The following GUCY1A1 variants were observed in gnomAD, a reference collection of about 807,000 sequenced individuals.
GUCY1A1 encodes guanylate cyclase 1 soluble subunit alpha 1, also known as guanylate cyclase soluble subunit alpha-1.
A neutral mutation model predicts 64.5 loss-of-function variants in GUCY1A1; 48 were observed. That is an observed-to-expected ratio of 0.74 (90% CI 0.59 to 0.95). GUCY1A1 has a LOEUF of 0.95. Ranked by LOEUF, GUCY1A1 falls within the 40% of genes least tolerant of loss-of-function variation. The pLI is 0.00. For missense variants in GUCY1A1, 804 were observed against 825.3 expected (o/e 0.97, Z 0.32); for synonymous variants, 308 against 303.4 (o/e 1.02, Z -0.16).
rs1293796293 is a variant in GUCY1A1 at position 155,713,424 on chromosome 4, T to G, written c.1413T>G (p.Val471=). 6.2e-7 allele frequency: 1 copy of G among 1,614,178 alleles called. No homozygotes were observed. Among genetic ancestry groups the G allele is most frequent in the Non-Finnish European group, 8.5e-7 (1 of 1,180,022 alleles). Residue 471 remains valine (V), a synonymous_variant, in exon 7 of 10, where the codon GTT becomes GTG. Coordinates refer to ENST00000506455, the MANE Select transcript of GUCY1A1 (RefSeq NM_001130682.3). ...CTCAGCAGCTGTGGCAAGGGCAAGT[T>G]GTGCAAGCCAAGAAGTTCAGTAATG... is the stretch of plus-strand genomic sequence containing the variant. The part of the protein sequence containing the change: ...EVAQQLWQGQ[V]VQAKKFSNVT...
At position 155,734,766 on chromosome 4, in the gene GUCY1A1, C is replaced by T. The variant is rs187345090; in HGVS notation, c.*4535C>T. On this transcript the variant is annotated 3_prime_UTR_variant, in exon 10 of 10. Transcript: ENST00000506455. ...CTCTTGTTAAAACACAGGCTAAAAG[C>T]AGTGACTGCTTAACTTATTAAGCAG... is the stretch of plus-strand genomic sequence containing the variant. 1 of 151,928 alleles carries T rather than the reference C, an allele frequency of 6.6e-6. No homozygotes were observed. The highest frequency in any genetic ancestry group is 1.9e-4 in the East Asian group (1 of 5,156). 9.4% of individuals were successfully genotyped at this position (151,928 alleles called of 1,614,324 possible).
intron 5 of GUCY1A1, among the ~76,000 whole-genome samples, chr4:155,708,596 A>G (rs1732123111): frequency 2.0e-5 from 3 of 152,192 alleles, no homozygotes; most frequent in Admixed American, 1.3e-4. Context: ...TACATCAAAA[A>G]TTCTACTCAA....
intron 3 of GUCY1A1, among the ~76,000 whole-genome samples, chr4:155,702,693 T>C (rs1731249261): frequency 6.6e-6 from 1 of 152,170 alleles, no homozygotes; most frequent in Non-Finnish European, 1.5e-5. Context: ...TAATTTTTTT[T>C]CAGCAATTGT....
chr4:155,695,817 T>G (rs1730335262), intron 2 of GUCY1A1, among the ~76,000 whole-genome samples: 1 of 152,132 alleles, frequency 6.6e-6, no homozygotes, highest in African/African-American at 2.4e-5. Context: ...CACTCTTTGT[T>G]TTTCTTCCCC....
chr4:155,676,311 T>G, intron 2 of GUCY1A1, among the ~76,000 whole-genome samples: 1 of 150,824 alleles, frequency 6.6e-6, no homozygotes, highest in African/African-American at 2.5e-5. Context: ...TTTTTTTTTT[T>G]TTTTTTTTAA....
intron 2 of GUCY1A1, among the ~76,000 whole-genome samples, chr4:155,688,183 G>A (rs1729257510): frequency 6.6e-6 from 1 of 151,332 alleles, no homozygotes; most frequent in Non-Finnish European, 1.5e-5. Context: ...AGCCGAGATC[G>A]CACCACTGCA....
At chr4:155,727,755 G>A (rs1313033733) in intron 9 of GUCY1A1, among the ~76,000 whole-genome samples, 7 of 150,998 alleles carry the variant, frequency 4.6e-5, no homozygotes, top group Non-Finnish European at 1.0e-4. Context: ...TTTCTTTCAG[G>A]TTTCTGTTTT....
At chr4:155,674,550 T>G (rs776881276) in intron 2 of GUCY1A1, among the ~76,000 whole-genome samples, 1 of 151,468 alleles carries the variant, frequency 6.6e-6, no homozygotes, top group South Asian at 2.1e-4. Context: ...TTTTTAAAAT[T>G]TATTTCTTTT....
chr4:155,711,943 A>C (rs982928991), intron 6 of GUCY1A1, among the ~76,000 whole-genome samples: 1 of 152,194 alleles, frequency 6.6e-6, no homozygotes, highest in African/African-American at 2.4e-5. Flanking sequence ...GTAATATTGA[A>C]AGGTGTTTAT....
At chr4:155,728,097 T>C (rs1734986880) in intron 9 of GUCY1A1, among the ~76,000 whole-genome samples, 1 of 151,934 alleles carries the variant, frequency 6.6e-6, no homozygotes, top group South Asian at 2.1e-4. Context: ...TCCATATCCT[T>C]TTAAGACTTG....
chr4:155,694,470 G>C (rs1209690969), intron 2 of GUCY1A1, among the ~76,000 whole-genome samples: 2 of 152,146 alleles, frequency 1.3e-5, no homozygotes, highest in African/African-American at 4.8e-5. Flanking sequence ...AGTGACTAGA[G>C]GAGATGAGGA....
Position 155,720,337 on chromosome 4 carries a change from T to TTCTATCTATCTATCTATCTA in GUCY1A1, c.1717-1678_1717-1659dup, listed in dbSNP as rs59667368. ...GATATTTATGAGCAGAAGAGCTTTA[T>TTCTATCTATCTATCTATCTA]TCTATCTATCTATCTATCTATCTAT... On this transcript the variant is annotated intron_variant, in intron 8 of 9. Coordinates refer to ENST00000506455, the MANE Select transcript of GUCY1A1 (RefSeq NM_001130682.3). 2.0e-5 allele frequency among the ~76,000 whole-genome samples: 3 copies of TTCTATCTATCTATCTATCTA among 149,790 alleles called. No individual in the cohort carries two copies. The Admixed American group carries it at 2.0e-4, about 10-fold the overall frequency.
At chr4:155,671,346 T>C (rs1159168483) in intron 2 of GUCY1A1, among the ~76,000 whole-genome samples, 1 of 152,228 alleles carries the variant, frequency 6.6e-6, no homozygotes, top group African/African-American at 2.4e-5. Flanking sequence ...TCACTTTTAA[T>C]GTTTGCTTTA....
At chr4:155,721,366 C>T (rs1733937450) in intron 8 of GUCY1A1, among the ~76,000 whole-genome samples, 1 of 152,124 alleles carries the variant, frequency 6.6e-6, no homozygotes, top group South Asian at 2.1e-4. Flanking sequence ...CAGACTGCCT[C>T]TTATATCTAG....
intron 8 of GUCY1A1, among the ~76,000 whole-genome samples, chr4:155,720,031 T>G (rs1324537866): frequency 6.6e-6 from 1 of 152,158 alleles, no homozygotes; most frequent in Non-Finnish European, 1.5e-5. Flanking sequence ...TGAAAAGCTC[T>G]GTAAGAAAAT....
At chr4:155,711,749 T>A (rs1395973480) in intron 6 of GUCY1A1, among the ~76,000 whole-genome samples, 1 of 152,166 alleles carries the variant, frequency 6.6e-6, no homozygotes, top group Non-Finnish European at 1.5e-5. Flanking sequence ...GCTTTGGTAA[T>A]TATTTAGTCT....
chr4:155,687,307 G>A (rs1729124358), intron 2 of GUCY1A1, among the ~76,000 whole-genome samples: 1 of 152,248 alleles, frequency 6.6e-6, no homozygotes, highest in South Asian at 2.1e-4. Flanking sequence ...AGCTCTAGTA[G>A]AAGAAGCATC....
At position 155,696,810 on chromosome 4, in the gene GUCY1A1, A is replaced by G; in HGVS notation, c.-58A>G. ...ATAGTGGCTTCTGTTTGTCAGTCTC[A>G]TATAAGAACTACAGCTCATCAGGAG... On this transcript the variant is annotated 5_prime_UTR_variant, in exon 3 of 10. Coordinates refer to ENST00000506455, the MANE Select transcript of GUCY1A1 (RefSeq NM_001130682.3). 2 of 1,536,188 alleles carry G rather than the reference A, an allele frequency of 1.3e-6. No homozygotes were observed. The highest frequency in any genetic ancestry group is 1.8e-6 in the Non-Finnish European group (2 of 1,116,030).
intron 3 of GUCY1A1, among the ~76,000 whole-genome samples, chr4:155,698,690 A>C (rs4691057): frequency 0.22 from 33,260 of 152,124 alleles, 3,706 homozygotes; most frequent in Non-Finnish European, 0.24. Context: ...ACAACAACAA[A>C]AAAATTCTGG....
Sources: gnomAD v4.1 joint callset for allele counts (sites outside exome capture counted in the v4.1 genomes callset) on GRCh38, gnomAD v4.1.1 for gene constraint, MANE v1.5 for transcripts, NCBI Gene and HGNC (gene_info 2026-07-23, HGNC 2026-07-21) for gene names.